Variants in RIT2 observed in about 807,000 individuals in gnomAD.
RIT2 encodes GTP-binding protein Rit2.
A neutral mutation model predicts 23.7 loss-of-function variants in RIT2; 24 were observed. The observed-to-expected ratio is 1.01, with a 90% CI of 0.73 to 1.43. RIT2 has a LOEUF of 1.43. Among genes scored for constraint, RIT2 ranks in the 40% most tolerant of loss-of-function variants. The pLI is 0.00. For missense variants in RIT2, 236 were observed against 266.9 expected (o/e 0.88, Z 0.81); for synonymous variants, 107 against 91.1 (o/e 1.17, Z -0.99).
chr18:43,036,386 G>A (rs544565809), intron 1 of RIT2, among the ~76,000 whole-genome samples: 8 of 152,008 alleles, frequency 5.3e-5, no homozygotes, highest in African/African-American at 1.7e-4. Flanking sequence ...CTAAAAATAC[G>A]GAAATCAGCC....
intron 4 of RIT2, among the ~76,000 whole-genome samples, chr18:42,800,581 C>T (rs960452433): frequency 6.9e-6 from 1 of 144,744 alleles, no homozygotes; most frequent in Non-Finnish European, 1.5e-5. Flanking sequence ...GGAGTGCTGG[C>T]GTGGAGTGGC....
rs1598686038 is a variant in RIT2, at chr18:42,857,473, T to C, written c.426+66099A>G. On this transcript the variant is annotated intron_variant, in intron 4 of 4. Coordinates refer to ENST00000326695, the MANE Select transcript of RIT2 (RefSeq NM_002930.4). ...GTTTTTCCTGACCTAGTCTAACAGA[T>C]CCTTAGCATAAGAGCTTATAATTGG... Among the ~76,000 whole-genome samples the C allele has an allele frequency of 2.0e-5, 3 of 152,288 alleles. No homozygotes were observed. In the South Asian group the frequency reaches 6.2e-4, roughly 32 times the overall value.
At chr18:43,017,977 A>G (rs111477235) in intron 2 of RIT2, among the ~76,000 whole-genome samples, 2 of 152,108 alleles carry the variant, frequency 1.3e-5, no homozygotes, top group African/African-American at 4.8e-5. Flanking sequence ...GTTTACTGCA[A>G]GAGTAAGAAA....
intron 1 of RIT2, among the ~76,000 whole-genome samples, chr18:43,052,037 C>T (rs951465171): frequency 2.6e-5 from 4 of 152,058 alleles, no homozygotes; most frequent in African/African-American, 7.2e-5. Flanking sequence ...TTTTACAAGA[C>T]GTGCCAGACA....
At chr18:42,917,551 A>G (rs545199986) in intron 4 of RIT2, among the ~76,000 whole-genome samples, 1 of 152,260 alleles carries the variant, frequency 6.6e-6, no homozygotes, top group South Asian at 2.1e-4. Flanking sequence ...TGACTGAAAG[A>G]GCCTCCAAAT....
At chr18:42,822,423 C>T (rs929053171) in intron 4 of RIT2, among the ~76,000 whole-genome samples, 2 of 152,074 alleles carry the variant, frequency 1.3e-5, no homozygotes, top group Non-Finnish European at 2.9e-5. Context: ...TTGTTGGCGA[C>T]GGTTGATCAT....
At chr18:42,799,027 C>T (rs181993555) in intron 4 of RIT2, among the ~76,000 whole-genome samples, 30 of 152,284 alleles carry the variant, frequency 2.0e-4, no homozygotes, top group African/African-American at 7.2e-4. Flanking sequence ...TTTGTAATTA[C>T]TTGTTATCCT....
chr18:43,107,095 A>C (rs1348883252), intron 1 of RIT2, among the ~76,000 whole-genome samples: 1 of 152,188 alleles, frequency 6.6e-6, no homozygotes, highest in African/African-American at 2.4e-5. Context: ...CACGCACAGA[A>C]ATAATCGGTC....
At chr18:42,834,012 T>A (rs1466929717) in intron 4 of RIT2, among the ~76,000 whole-genome samples, 1 of 152,104 alleles carries the variant, frequency 6.6e-6, no homozygotes, top group African/African-American at 2.4e-5. Context: ...TAAAAATACA[T>A]ATTGCTTCTG....
intron 4 of RIT2, among the ~76,000 whole-genome samples, chr18:42,917,766 T>C (rs1453122717): frequency 1.3e-5 from 2 of 152,178 alleles, no homozygotes; most frequent in Non-Finnish European, 2.9e-5. Context: ...CATGCTAAGC[T>C]AAATCCAATT....
intron 4 of RIT2, among the ~76,000 whole-genome samples, chr18:42,752,878 C>T (rs1913078769): frequency 6.6e-6 from 1 of 152,058 alleles, no homozygotes; most frequent in Non-Finnish European, 1.5e-5. Flanking sequence ...TTTAATGTGA[C>T]ACCTGGAGGC....
chr18:42,960,808 T>C (rs1447187385), intron 3 of RIT2, among the ~76,000 whole-genome samples: 11 of 152,154 alleles, frequency 7.2e-5, no homozygotes, highest in South Asian at 2.1e-4. Flanking sequence ...GACTAGAATG[T>C]TTGTTTGCTT....
chr18:42,894,687 A>T (rs891559011), intron 4 of RIT2, among the ~76,000 whole-genome samples: 5 of 152,204 alleles, frequency 3.3e-5, no homozygotes, highest in African/African-American at 1.2e-4. Flanking sequence ...TAGAGTCAAA[A>T]TTGAGACACT....
In RIT2 at chr18:43,024,707, AAACAACAAC is replaced by A. The variant is rs141467663; in HGVS notation, c.160+9095_160+9103del. ...TCCAGTATCTTCATGGAACTCAAACAAACAACAACAACAACAACAACAACAACAACAACA... is the reference window on the plus strand; with the variant it reads ...TCCAGTATCTTCATGGAACTCAAACAAACAACAACAACAACAACAACAACA... On this transcript the variant is annotated intron_variant, in intron 2 of 4. Coordinates refer to ENST00000326695, the MANE Select transcript of RIT2 (RefSeq NM_002930.4). 6.7e-3 allele frequency among the ~76,000 whole-genome samples: 1,000 copies of A among 150,330 alleles called. 6 individuals are homozygous for A. The highest frequency in any genetic ancestry group is 0.022 in the African/African-American group (891 of 40,906).
At position 42,743,432 on chromosome 18, in the gene RIT2, A is replaced by G; in HGVS notation, c.*61T>C. 1 of 1,167,300 alleles carries G rather than the reference A, an allele frequency of 8.6e-7. No homozygotes were observed. The highest frequency in any genetic ancestry group is 1.3e-5 in the South Asian group (1 of 79,622). 72.3% of individuals were successfully genotyped at this position (1,167,300 alleles called of 1,614,324 possible). A position where few individuals can be genotyped will look rare whatever the true frequency, so the allele number is the denominator to read the frequency against. On this transcript the variant is annotated 3_prime_UTR_variant, in exon 5 of 5. Coordinates refer to ENST00000326695, the MANE Select transcript of RIT2 (RefSeq NM_002930.4). ...AGAGATAATATTGAAGCAGAATGCT[A>G]CATATGGAATTGTCCAACTAATAAA...
chr18:43,039,893 T>G (rs1470336901), intron 1 of RIT2, among the ~76,000 whole-genome samples: 2 of 152,164 alleles, frequency 1.3e-5, no homozygotes, highest in African/African-American at 2.4e-5. Context: ...GAGTAATTAA[T>G]TTTTTCATGG....
At chr18:42,864,506 C>G (rs1414243128) in intron 4 of RIT2, among the ~76,000 whole-genome samples, 2 of 152,162 alleles carry the variant, frequency 1.3e-5, no homozygotes, top group African/African-American at 2.4e-5. Flanking sequence ...AGCCAGACAT[C>G]TGGGCACTGT....
intron 4 of RIT2, among the ~76,000 whole-genome samples, chr18:42,911,186 A>G (rs1261140144): frequency 6.6e-6 from 1 of 152,090 alleles, no homozygotes; most frequent in Non-Finnish European, 1.5e-5. Context: ...TAAATAATGC[A>G]TTGGTCAAAT....
intron 4 of RIT2, among the ~76,000 whole-genome samples, chr18:42,826,888 T>C (rs751740314): frequency 7.9e-5 from 12 of 152,124 alleles, no homozygotes; most frequent in Admixed American, 2.0e-4. Context: ...TACATACTTA[T>C]AAACAAATCT....
Sources: allele counts gnomAD v4.1 joint callset (sites outside exome capture counted in the v4.1 genomes callset), GRCh38; gene constraint gnomAD v4.1.1; transcripts MANE v1.5; gene names NCBI Gene and HGNC (gene_info 2026-07-23, HGNC 2026-07-21).